AGBL1: variants seen among roughly 807,000 people sequenced by gnomAD.
AGBL1 encodes AGBL carboxypeptidase 1, also known as cytosolic carboxypeptidase 4.
Under a neutral mutation model 118.9 loss-of-function variants are expected in AGBL1, and 130 were observed. That is an observed-to-expected ratio of 1.09 (90% confidence interval 0.95 to 1.26). AGBL1 has a LOEUF of 1.26. Among genes scored for constraint, AGBL1 ranks in the 50% most tolerant of loss-of-function variants. AGBL1 has a pLI of 0.00. For missense variants in AGBL1, 1,584 were observed against 1,298.1 expected, an observed-to-expected ratio of 1.22 and a Z score of -3.38; for synonymous variants, 555 against 478.9, an observed-to-expected ratio of 1.16 and a Z score of -2.08.
chr15:86,281,630 A>G (rs1434945565), intron 16 of AGBL1, among the ~76,000 whole-genome samples: 1 of 152,168 alleles, frequency 6.6e-6, no homozygotes, highest in African/African-American at 2.4e-5. Context: ...ACGTTTATAG[A>G]TGCAAGAACT....
chr15:86,797,801 C>A (rs531972246), intron 22 of AGBL1, among the ~76,000 whole-genome samples: 2 of 152,084 alleles, frequency 1.3e-5, no homozygotes, highest in African/African-American at 4.8e-5. Flanking sequence ...GAAGAACCTG[C>A]AAAGGGAAGG....
chr15:86,603,630 C>T (rs568233401), intron 21 of AGBL1, among the ~76,000 whole-genome samples: 2 of 152,228 alleles, frequency 1.3e-5, no homozygotes, highest in Non-Finnish European at 2.9e-5. Context: ...AGTATTGAAT[C>T]GAATCTCTCA....
chr15:86,813,431 A>G (rs1239415081), intron 22 of AGBL1, among the ~76,000 whole-genome samples: 24 of 152,188 alleles, frequency 1.6e-4, no homozygotes, highest in Non-Finnish European at 1.5e-5. Context: ...TGCCTCTATC[A>G]CATTCTCTTC....
At chr15:86,270,972 T>C (rs2079150669) in intron 14 of AGBL1, among the ~76,000 whole-genome samples, 1 of 151,432 alleles carries the variant, frequency 6.6e-6, no homozygotes, top group South Asian at 2.1e-4. Context: ...CCTTGGCTGA[T>C]GGCCCCTTCT....
intron 24 of AGBL1, among the ~76,000 whole-genome samples, chr15:87,009,278 A>G (rs912556239): frequency 1.3e-5 from 2 of 152,182 alleles, no homozygotes; most frequent in African/African-American, 4.8e-5. Flanking sequence ...AAAGGGGCCA[A>G]TGTACAGCTC....
At chr15:86,543,741 C>T (rs999298112) in intron 19 of AGBL1, among the ~76,000 whole-genome samples, 6 of 152,178 alleles carry the variant, frequency 3.9e-5, no homozygotes, top group African/African-American at 1.2e-4. Flanking sequence ...TGGCCCTACC[C>T]AAAGGATACA....
chr15:86,324,233 T>G (rs1173097128), intron 17 of AGBL1, among the ~76,000 whole-genome samples: 1 of 152,170 alleles, frequency 6.6e-6, no homozygotes, highest in African/African-American at 2.4e-5. Context: ...TGTGTAAGTG[T>G]TGTAAGCACT....
intron 23 of AGBL1, among the ~76,000 whole-genome samples, chr15:86,971,410 G>A (rs1027374402): frequency 6.6e-6 from 1 of 151,854 alleles, no homozygotes; most frequent in African/African-American, 2.4e-5. Context: ...CTACAGTAAG[G>A]GATGGCTTGT....
In AGBL1 at chr15:86,534,036, G is replaced by A. The variant is rs1222513219; in HGVS notation, c.2685+11097G>A. ...TAGATAACGAGTTAGTGGGTGCAGC[G>A]CACCAGCATGGCACATGTATACATA... is the stretch of plus-strand genomic sequence containing the variant. On this transcript the variant is annotated intron_variant, in intron 19 of 22. Transcript: ENST00000614907. 8.3e-5 allele frequency among the ~76,000 whole-genome samples: 10 copies of A among 120,324 alleles called. No individual in the cohort carries two copies. In the East Asian group the frequency reaches 1.1e-3, roughly 13 times the overall value. The allele number at this position is 120,324 out of a possible 152,430, so 78.9% of individuals were successfully genotyped here.
intron 1 of AGBL1, chr15:86,110,009 T>C (rs1897267623): frequency 6.6e-6 from 1 of 152,216 alleles, no homozygotes; most frequent in Non-Finnish European, 1.5e-5. Context: ...ATCTTAATTG[T>C]AGTTAAAATA....
Position 86,428,437 on chromosome 15 carries a change from C to T in AGBL1, c.2555+30891C>T, listed in dbSNP as rs181719623. Among the ~76,000 whole-genome samples the T allele has an allele frequency of 1.0e-3, 158 of 152,292 alleles. 1 individual carries two copies. The highest frequency in any genetic ancestry group is 6.4e-3 in the South Asian group (31 of 4,824). ...TCTTATTGATAGTCCTATTTTCCCCCGTCTTTTTTTCTAAATACACGGACT... is the reference window on the plus strand; with the variant it reads ...TCTTATTGATAGTCCTATTTTCCCCTGTCTTTTTTTCTAAATACACGGACT... On this transcript the variant is annotated intron_variant, in intron 18 of 22. Transcript: ENST00000614907.
At chr15:86,260,965 T>A (rs1359900469) in intron 9 of AGBL1, among the ~76,000 whole-genome samples, 1 of 152,176 alleles carries the variant, frequency 6.6e-6, no homozygotes, top group Admixed American at 6.5e-5. Flanking sequence ...GAGACTAAGC[T>A]CCAGAACTTT....
chr15:87,027,429 A>C (rs1240339268), intron 24 of AGBL1, among the ~76,000 whole-genome samples: 1 of 151,576 alleles, frequency 6.6e-6, no homozygotes, highest in Non-Finnish European at 1.5e-5. Context: ...CATTACCCAG[A>C]GGAATATAAA....
At chr15:86,952,634 T>A (rs2080891359) in intron 23 of AGBL1, among the ~76,000 whole-genome samples, 1 of 152,200 alleles carries the variant, frequency 6.6e-6, no homozygotes, top group Non-Finnish European at 1.5e-5. Flanking sequence ...TCCTGTAGGT[T>A]ATCTATTTAC....
intron 22 of AGBL1, among the ~76,000 whole-genome samples, chr15:86,675,225 C>T (rs1479595835): frequency 6.6e-6 from 1 of 152,030 alleles, no homozygotes; most frequent in African/African-American, 2.4e-5. Context: ...GAAGTGTCTC[C>T]TGGTAAATGA....
intron 23 of AGBL1, among the ~76,000 whole-genome samples, chr15:86,979,763 G>A (rs1985086): frequency 0.18 from 26,676 of 151,944 alleles, 2,367 homozygotes; most frequent in Non-Finnish European, 0.18. Context: ...TTGGCCTTCC[G>A]AAGTGCTGGG....
chr15:86,753,167 T>C (rs1428765103), intron 22 of AGBL1, among the ~76,000 whole-genome samples: 1 of 152,036 alleles, frequency 6.6e-6, no homozygotes, highest in Non-Finnish European at 1.5e-5. Context: ...ATAGATAATA[T>C]GTGTATGATT....
chr15:86,502,555 T>C (rs933746526), intron 18 of AGBL1, among the ~76,000 whole-genome samples: 7 of 150,938 alleles, frequency 4.6e-5, no homozygotes, highest in African/African-American at 1.5e-4. Context: ...TTAAGTAAAA[T>C]AACAGCTGTG....
intron 1 of AGBL1, among the ~76,000 whole-genome samples, chr15:86,118,412 C>T (rs1009876810): frequency 1.3e-5 from 2 of 151,924 alleles, no homozygotes; most frequent in Non-Finnish European, 2.9e-5. Context: ...AACTCTGCAG[C>T]ACCACGTACA....
Sources: allele counts gnomAD v4.1 joint callset (sites outside exome capture counted in the v4.1 genomes callset), GRCh38; gene constraint gnomAD v4.1.1; transcripts MANE v1.5; gene names NCBI Gene and HGNC (gene_info 2026-07-23, HGNC 2026-07-21).